The following NPAS2 variants were observed in gnomAD, a reference collection of about 807,000 sequenced individuals.
NPAS2 encodes the protein neuronal PAS domain protein 2, also known as neuronal PAS domain-containing protein 2.
A neutral mutation model predicts 107.5 loss-of-function variants in NPAS2; 23 were observed. The ratio of observed to expected loss-of-function variants is 0.21; its 90% CI spans 0.15 to 0.30. The LOEUF is 0.30. Ranked by LOEUF, NPAS2 falls within the 10% of genes least tolerant of loss-of-function variation. NPAS2 has a pLI of 1.00. For missense variants in NPAS2, 756 were observed against 1,043.3 expected, an observed-to-expected ratio of 0.72 and a Z score of 3.79; for synonymous variants, 403 against 417.5, an observed-to-expected ratio of 0.97 and a Z score of 0.42.
At chr2:100,952,995 C>T (rs889388942) in intron 7 of NPAS2, among the ~76,000 whole-genome samples, 1 of 151,994 alleles carries the variant, frequency 6.6e-6, no homozygotes, top group Non-Finnish European at 1.5e-5. Context: ...ACAAGAGTTC[C>T]CCATGTAACT....
intron 1 of NPAS2, among the ~76,000 whole-genome samples, chr2:100,837,540 T>G (rs530988447): frequency 6.6e-6 from 1 of 152,286 alleles, no homozygotes; most frequent in African/African-American, 2.4e-5. Flanking sequence ...CTCGAACTCC[T>G]GACCTCAGGT....
intron 1 of NPAS2, among the ~76,000 whole-genome samples, chr2:100,870,448 T>C (rs1376596298): frequency 1.3e-5 from 2 of 151,478 alleles, no homozygotes; most frequent in African/African-American, 4.9e-5. Context: ...CAGGCTGGAG[T>C]GCAGTGGCAC....
At chr2:100,844,431 AG>A (rs371564970) in intron 1 of NPAS2, among the ~76,000 whole-genome samples, 21 of 152,272 alleles carry the variant, frequency 1.4e-4, no homozygotes, top group Middle Eastern at 3.4e-3. Context: ...GTTACAGAAA[AG>A]TTCACCTTTC....
intron 5 of NPAS2, among the ~76,000 whole-genome samples, chr2:100,944,020 A>G (rs1674739130): frequency 6.6e-6 from 1 of 152,126 alleles, no homozygotes; most frequent in African/African-American, 2.4e-5. Flanking sequence ...TTATATCTCA[A>G]TTAATTCTTA....
intron 1 of NPAS2, chr2:100,878,467 C>G: frequency 1.0e-6 from 1 of 985,402 alleles, no homozygotes; most frequent in Non-Finnish European, 1.2e-6. Context: ...TGGAGAATAG[C>G]TCCCTCTGTG....
At chr2:100,892,258 A>T (rs542811419) in intron 1 of NPAS2, among the ~76,000 whole-genome samples, 7 of 152,260 alleles carry the variant, frequency 4.6e-5, no homozygotes, top group Admixed American at 3.3e-4. Context: ...TGACCAAACG[A>T]TGTTACGGTA....
At chr2:100,974,306 G>A (rs2105223027) in intron 12 of NPAS2, among the ~76,000 whole-genome samples, 1 of 152,330 alleles carries the variant, frequency 6.6e-6, no homozygotes, top group African/African-American at 2.4e-5. Flanking sequence ...TCGAAAGACA[G>A]GAGACCCCTT....
At chr2:100,917,598 T>C (rs1228718549) in intron 2 of NPAS2, among the ~76,000 whole-genome samples, 2 of 152,140 alleles carry the variant, frequency 1.3e-5, no homozygotes, top group Admixed American at 1.3e-4. Flanking sequence ...AAAGACACGA[T>C]TTATCAATAG....
intron 1 of NPAS2, among the ~76,000 whole-genome samples, chr2:100,823,978 G>A (rs990823652): frequency 3.3e-5 from 5 of 152,124 alleles, no homozygotes; most frequent in Admixed American, 6.5e-5. Flanking sequence ...CTCAGCTATG[G>A]CAACTTTTAA....
chr2:100,870,811 C>T (rs1358960253), intron 1 of NPAS2, among the ~76,000 whole-genome samples: 1 of 152,182 alleles, frequency 6.6e-6, no homozygotes, highest in Non-Finnish European at 1.5e-5. Context: ...GTGCATGTAC[C>T]AACAGATATG....
chr2:100,975,677 T>C (rs1279152352), intron 14 of NPAS2, 110 bp downstream of exon 14: 1 of 760,606 alleles, frequency 1.3e-6, no homozygotes. Context: ...TACTTAGGGA[T>C]TGAGAGTGTA....
rs562255715 is a variant in NPAS2 at position 100,987,802 on chromosome 2, G to C, written c.1630-277G>C. On this transcript the variant is annotated intron_variant, in intron 16 of 20. Coordinates refer to ENST00000335681, the MANE Select transcript of NPAS2 (RefSeq NM_002518.4). ...ACATCACATTATTTAGAGAACATCT[G>C]GGTCTAAACAGCTTTCACATTGTTA... The C allele has an allele frequency of 7.8e-5, 37 of 475,438 alleles. No individual in the cohort carries two copies. The East Asian group carries it at 1.1e-3, about 14-fold the overall frequency. 29.5% of individuals were successfully genotyped at this position (475,438 alleles called of 1,614,324 possible). A position where few individuals can be genotyped will look rare whatever the true frequency, so the allele number is the denominator to read the frequency against.
chr2:100,866,795 A>G (rs765105052), intron 1 of NPAS2, among the ~76,000 whole-genome samples: 1 of 152,222 alleles, frequency 6.6e-6, no homozygotes. Flanking sequence ...ACAAATCAAC[A>G]TTCTCCAAGA....
At chr2:100,842,087 A>G (rs62156096) in intron 1 of NPAS2, among the ~76,000 whole-genome samples, 31,553 of 128,130 alleles carry the variant, frequency 0.25, 3,879 homozygotes, top group East Asian at 0.62. Flanking sequence ...ACGCGCACAC[A>G]CACACACACA....
At chr2:100,992,926 GTTTC>G (rs1281403040) in intron 19 of NPAS2, among the ~76,000 whole-genome samples, 1 of 150,212 alleles carries the variant, frequency 6.7e-6, no homozygotes, top group Non-Finnish European at 1.5e-5. Context: ...ATGGACAAAA[GTTTC>G]TTTTTTTTTT....
intron 1 of NPAS2, among the ~76,000 whole-genome samples, chr2:100,876,393 G>A (rs1184831394): frequency 2.0e-5 from 3 of 152,238 alleles, no homozygotes; most frequent in African/African-American, 7.2e-5. Flanking sequence ...CAGTGGTGCT[G>A]CTTCCCACGT....
chr2:100,933,424 A>T (rs901500186), intron 4 of NPAS2, among the ~76,000 whole-genome samples: 1 of 152,214 alleles, frequency 6.6e-6, no homozygotes, highest in African/African-American at 2.4e-5. Flanking sequence ...TTTTGAAATT[A>T]AAAATTGTCT....
At chr2:100,823,273 T>C (rs1676182701) in intron 1 of NPAS2, among the ~76,000 whole-genome samples, 1 of 152,208 alleles carries the variant, frequency 6.6e-6, no homozygotes, top group African/African-American at 2.4e-5. Context: ...GGGGAGTTTT[T>C]AATGCAGTCT....
chr2:100,911,998 A>G (rs1327763641), intron 2 of NPAS2, among the ~76,000 whole-genome samples: 1 of 152,146 alleles, frequency 6.6e-6, no homozygotes, highest in African/African-American at 2.4e-5. Flanking sequence ...GCTCTAATGT[A>G]TTCTTTAGGA....
Sources: gnomAD v4.1 joint callset for allele counts (sites outside exome capture counted in the v4.1 genomes callset) on GRCh38, gnomAD v4.1.1 for gene constraint, MANE v1.5 for transcripts, NCBI Gene and HGNC (gene_info 2026-07-23, HGNC 2026-07-21) for gene names.